The following RPAP3 variants were observed in gnomAD, a reference collection of about 807,000 sequenced individuals.
RPAP3 encodes the protein RNA polymerase II associated protein 3.
A neutral mutation model predicts 88.8 loss-of-function variants in RPAP3; 58 were observed. The observed-to-expected ratio is 0.65, with a 90% CI of 0.53 to 0.81. RPAP3 has a LOEUF of 0.81. Ranked by LOEUF, RPAP3 falls within the 40% of genes least tolerant of loss-of-function variation. The pLI is 0.00. For synonymous variants in RPAP3, 255 were observed against 259.9 expected (o/e 0.98, Z 0.18); for missense variants, 751 against 764.3 (o/e 0.98, Z 0.20).
chr12:47,704,699 A>AT (rs911841074), intron 1 of RPAP3, among the ~76,000 whole-genome samples: 1 of 151,256 alleles, frequency 6.6e-6, no homozygotes, highest in African/African-American at 2.4e-5. Context: ...TTTCAATAAG[A>AT]TTTTTTTTAA....
chr12:47,701,596 AG>A lies in RPAP3; in HGVS notation c.161del (p.Pro54LeufsTer32). On this transcript the variant is annotated frameshift_variant, in exon 3 of 17. Transcript: ENST00000005386. LOFTEE classifies it high-confidence loss of function. Reference sequence around the variant, plus strand: ...TCCTAAAATTCCCATTTCGAATAGGAGGTAAATTCTAAGGAGGGAAAAAAAA... The same window carrying A: ...TCCTAAAATTCCCATTTCGAATAGGAGTAAATTCTAAGGAGGGAAAAAAAA... Reference protein sequence around the residue: ...RQNGVPEENLPPIRNGNFRKK... With the variant: ...RQNGVPEENLXPIRNGNFRKK... The A allele has an allele frequency of 1.9e-6, 3 of 1,586,702 alleles. No homozygotes were observed. The highest frequency in any genetic ancestry group is 2.6e-6 in the Non-Finnish European group (3 of 1,169,436).
chr12:47,701,238 A>G (rs112532874), intron 3 of RPAP3: 13 of 337,134 alleles, frequency 3.9e-5, no homozygotes, highest in South Asian at 2.2e-4. Context: ...AAAGAATAAA[A>G]TCCTGGCTGT....
chr12:47,679,271 T>C (rs1014718466), intron 12 of RPAP3, among the ~76,000 whole-genome samples: 5 of 152,038 alleles, frequency 3.3e-5, no homozygotes, highest in Non-Finnish European at 5.9e-5. Flanking sequence ...GGGGGAGGGA[T>C]AGCATTAGGA....
chr12:47,689,981 G>A (rs1565720383), intron 6 of RPAP3, among the ~76,000 whole-genome samples: 2 of 150,854 alleles, frequency 1.3e-5, no homozygotes, highest in African/African-American at 4.9e-5. Context: ...GGCGGAGGTT[G>A]CTGTGAGCAG....
intron 15 of RPAP3, 62 bp downstream of exon 15, chr12:47,667,692 C>T: frequency 1.1e-6 from 1 of 915,384 alleles, no homozygotes; most frequent in South Asian, 1.7e-5. Flanking sequence ...TTGCAGTTTC[C>T]AAAAACCTAT....
intron 10 of RPAP3, among the ~76,000 whole-genome samples, chr12:47,680,677 A>G (rs1326135327): frequency 6.6e-6 from 1 of 151,976 alleles, no homozygotes; most frequent in African/African-American, 2.4e-5. Flanking sequence ...AAACACACAC[A>G]GGAGAACCAA....
At chr12:47,686,577 C>CACACACACACACACACA (rs1555182568) in intron 9 of RPAP3, among the ~76,000 whole-genome samples, 1 of 150,160 alleles carries the variant, frequency 6.7e-6, no homozygotes, top group Non-Finnish European at 1.5e-5. Flanking sequence ...CACACACACA[C>CACACACACACACACACA]TACTTTTCCC....
Position 47,663,396 on chromosome 12 carries a change from G to T in RPAP3, c.*109C>A. The T allele has an allele frequency of 1.5e-6, 1 of 669,724 alleles. No homozygotes were observed. The allele number at this position is 669,724 out of a possible 1,614,324, so 41.5% of individuals were successfully genotyped here. Reference sequence around the variant, plus strand: ...TATAGTTAATTAACTTATGTTCAAAGATAGTCCTTTCCTGCTATATAATTT... The same window carrying T: ...TATAGTTAATTAACTTATGTTCAAATATAGTCCTTTCCTGCTATATAATTT... On this transcript the variant is annotated 3_prime_UTR_variant, in exon 17 of 17. Coordinates refer to ENST00000005386, the MANE Select transcript of RPAP3 (RefSeq NM_024604.3).
chr12:47,673,731 G>C (rs1397483789), intron 12 of RPAP3, among the ~76,000 whole-genome samples: 2 of 151,978 alleles, frequency 1.3e-5, no homozygotes, highest in African/African-American at 4.8e-5. Context: ...AGGTTTTTTA[G>C]GGGTGATGTC....
chr12:47,672,004 A>T (rs1310849297), intron 12 of RPAP3, among the ~76,000 whole-genome samples: 1 of 151,678 alleles, frequency 6.6e-6, no homozygotes, highest in Non-Finnish European at 1.5e-5. Context: ...AAAAAAAGTG[A>T]GAGAGAGAGA....
chr12:47,676,468 T>C (rs886984139), intron 12 of RPAP3, among the ~76,000 whole-genome samples: 3 of 152,106 alleles, frequency 2.0e-5, no homozygotes, highest in Admixed American at 2.0e-4. Flanking sequence ...GCTGGTTTTT[T>C]GAAAAGATCA....
chr12:47,703,548 GA>G (rs557737630), intron 1 of RPAP3, among the ~76,000 whole-genome samples: 206 of 152,308 alleles, frequency 1.4e-3, no homozygotes, highest in African/African-American at 4.8e-3. Flanking sequence ...GGTACATACA[GA>G]TGCTATGGAA....
At chr12:47,674,621 T>C (rs1054730275) in intron 12 of RPAP3, among the ~76,000 whole-genome samples, 10 of 152,074 alleles carry the variant, frequency 6.6e-5, no homozygotes, top group African/African-American at 2.2e-4. Flanking sequence ...CAGTAGCTGA[T>C]TCGATAAAGT....
At chr12:47,705,543 C>CGGG (rs1452314239) in intron 1 of RPAP3, among the ~76,000 whole-genome samples, 1 of 152,188 alleles carries the variant, frequency 6.6e-6, no homozygotes, top group African/African-American at 2.4e-5. Context: ...TGCGATGGGG[C>CGGG]GGGGGTGCGA....
chr12:47,664,729 A>G (rs1407378379), intron 16 of RPAP3: 3 of 152,246 alleles, frequency 2.0e-5, no homozygotes, highest in Non-Finnish European at 4.4e-5. Flanking sequence ...TTATCACATT[A>G]GAGTAACAGT....
At chr12:47,674,764 C>T (rs1355140327) in intron 12 of RPAP3, among the ~76,000 whole-genome samples, 1 of 152,072 alleles carries the variant, frequency 6.6e-6, no homozygotes, top group African/African-American at 2.4e-5. Flanking sequence ...AGCAAATTTA[C>T]GATTGATTGG....
rs753008678 is a variant in RPAP3 at position 47,667,019 on chromosome 12, C to A, written c.1873G>T (p.Asp625Tyr). Residue 625 changes from aspartate to tyrosine, a missense_variant, in exon 16 of 17, where the codon GAT becomes TAT. Transcript: ENST00000005386. ...TCTGACATAAACATCACTGCCATAT[C>A]AAACCTTTTTAGTTCAGAAAGTCTT... Reference protein sequence around the residue: ...LQRLSELKRFDMAVMFMSETE... With the variant: ...LQRLSELKRFYMAVMFMSETE... 5 of 1,546,642 alleles carry A rather than the reference C, an allele frequency of 3.2e-6. No homozygotes were observed. The Admixed American group carries it at 6.9e-5, about 21-fold the overall frequency.
At chr12:47,704,025 T>C (rs539591054) in intron 1 of RPAP3, among the ~76,000 whole-genome samples, 1 of 152,262 alleles carries the variant, frequency 6.6e-6, no homozygotes, top group South Asian at 2.1e-4. Flanking sequence ...TATGCTGAAT[T>C]TGAGTGCTAA....
At chr12:47,704,100 A>C (rs1168130062) in intron 1 of RPAP3, among the ~76,000 whole-genome samples, 2 of 152,236 alleles carry the variant, frequency 1.3e-5, no homozygotes, top group African/African-American at 2.4e-5. Flanking sequence ...TGTCACTAGC[A>C]GAAAGGTAGA....
Sources: gnomAD v4.1 joint callset for allele counts (sites outside exome capture counted in the v4.1 genomes callset) on GRCh38, gnomAD v4.1.1 for gene constraint, MANE v1.5 for transcripts, NCBI Gene and HGNC (gene_info 2026-07-23, HGNC 2026-07-21) for gene names.